The following SYT14 variants were observed in gnomAD, a reference collection of about 807,000 sequenced individuals.
The protein encoded by SYT14 is synaptotagmin 14.
Under a neutral mutation model 74.2 loss-of-function variants are expected in SYT14, and 32 were observed. The observed-to-expected ratio is 0.43, with a 90% CI of 0.33 to 0.58. SYT14 has a LOEUF of 0.58. Among genes scored for constraint, SYT14 ranks in the 20% least tolerant of loss-of-function variants. SYT14 has a pLI of 0.05. For synonymous variants in SYT14, 298 were observed against 337.7 expected, an observed-to-expected ratio of 0.88 and a Z score of 1.29; for missense variants, 791 against 981.8, an observed-to-expected ratio of 0.81 and a Z score of 2.60.
intron 7 of SYT14, among the ~76,000 whole-genome samples, chr1:210,129,973 T>C (rs995142020): frequency 6.6e-6 from 1 of 152,170 alleles, no homozygotes; most frequent in Non-Finnish European, 1.5e-5. Flanking sequence ...ACAGAATCTA[T>C]CTTACTTTCA....
At chr1:210,125,469 A>G (rs2082551183) in intron 7 of SYT14, among the ~76,000 whole-genome samples, 1 of 152,154 alleles carries the variant, frequency 6.6e-6, no homozygotes, top group Non-Finnish European at 1.5e-5. Flanking sequence ...GGTAATTGCA[A>G]TGGCCGTGAA....
chr1:210,020,799 C>G (rs915388009), intron 4 of SYT14, among the ~76,000 whole-genome samples: 2 of 151,854 alleles, frequency 1.3e-5, no homozygotes, highest in African/African-American at 4.8e-5. Flanking sequence ...GCTTGGGCTT[C>G]TTATGTGAAA....
At chr1:209,998,076 A>T (rs752836303) in intron 2 of SYT14, among the ~76,000 whole-genome samples, 5 of 152,038 alleles carry the variant, frequency 3.3e-5, no homozygotes, top group Non-Finnish European at 7.4e-5. Context: ...CAGAGTTTTC[A>T]TATTTGTACA....
chr1:210,083,660 C>T (rs955550807), intron 5 of SYT14, among the ~76,000 whole-genome samples: 6 of 151,514 alleles, frequency 4.0e-5, no homozygotes, highest in African/African-American at 1.2e-4. Context: ...ACCTTGACCT[C>T]CTGGGCTCAA....
intron 5 of SYT14, among the ~76,000 whole-genome samples, chr1:210,093,227 A>G (rs966015338): frequency 3.1e-4 from 47 of 152,152 alleles, no homozygotes; most frequent in African/African-American, 1.1e-3. Flanking sequence ...AATGAAGCTT[A>G]TAGTTCTTAT....
chr1:209,957,650 C>T, intron 2 of SYT14, among the ~76,000 whole-genome samples: 1 of 152,108 alleles, frequency 6.6e-6, no homozygotes, highest in Middle Eastern at 3.2e-3. Context: ...TTGTCTTGAA[C>T]TCCCTACTTC....
At chr1:210,051,855 T>G (rs1388225862) in intron 5 of SYT14, among the ~76,000 whole-genome samples, 1 of 152,200 alleles carries the variant, frequency 6.6e-6, no homozygotes, top group Non-Finnish European at 1.5e-5. Flanking sequence ...TAATATCAGA[T>G]TCTTTGAAAG....
intron 7 of SYT14, among the ~76,000 whole-genome samples, chr1:210,101,807 G>A (rs1414176810): frequency 1.3e-5 from 2 of 151,950 alleles, no homozygotes; most frequent in Admixed American, 6.6e-5. Context: ...GAAAATAAAC[G>A]CTTATATAGA....
chr1:209,962,546 G>A (rs1434813002), intron 2 of SYT14, among the ~76,000 whole-genome samples: 1 of 151,948 alleles, frequency 6.6e-6, no homozygotes, highest in Admixed American at 6.5e-5. Context: ...TCTTTGATTC[G>A]TTCTCAGCTT....
chr1:209,987,691 T>C (rs1246811448), intron 2 of SYT14, among the ~76,000 whole-genome samples: 3 of 152,246 alleles, frequency 2.0e-5, no homozygotes, highest in Non-Finnish European at 4.4e-5. Context: ...TTGTGTTGTG[T>C]TGTTTTACAA....
intron 7 of SYT14, among the ~76,000 whole-genome samples, chr1:210,125,264 T>G (rs544500235): frequency 6.6e-6 from 1 of 151,316 alleles, no homozygotes; most frequent in Admixed American, 6.6e-5. Context: ...TCCATCTTTA[T>G]GTGTACCCAT....
At chr1:209,988,591 CT>C (rs1265315540) in intron 2 of SYT14, among the ~76,000 whole-genome samples, 2 of 152,114 alleles carry the variant, frequency 1.3e-5, no homozygotes, top group Non-Finnish European at 2.9e-5. Context: ...TGAGACTTTC[CT>C]TTCAGTCTTG....
At chr1:210,097,599 G>A (rs1164559942) in intron 6 of SYT14, among the ~76,000 whole-genome samples, 1 of 151,734 alleles carries the variant, frequency 6.6e-6, no homozygotes, top group Non-Finnish European at 1.5e-5. Flanking sequence ...CATTTTTATT[G>A]CCTGAAAATC....
At chr1:210,016,380 A>G in exon 4 of SYT14, 1 of 1,232,092 alleles carries the variant, frequency 8.1e-7, no homozygotes, top group East Asian at 3.2e-5. Flanking sequence ...AATGATAGGC[A>G]ACAAACTCTA....
In SYT14 at chr1:210,059,441, T is replaced by TAGAGAGAGAG. The variant is rs1175419124; in HGVS notation, c.1313-34880_1313-34879insGAGAGAGAGA. Among the ~76,000 whole-genome samples the TAGAGAGAGAG allele has an allele frequency of 1.4e-3, 126 of 93,028 alleles. 1 individual carries two copies. The highest frequency in any genetic ancestry group is 1.1e-3 in the Non-Finnish European group (53 of 47,538). 61.0% of individuals were successfully genotyped at this position (93,028 alleles called of 152,430 possible). On this transcript the variant is annotated intron_variant, in intron 5 of 9. Coordinates refer to ENST00000637265, the Ensembl canonical transcript of SYT14. The stretch of plus-strand genomic sequence containing the variant: ...TGACAAGAAAGAATATATATATATA[T>TAGAGAGAGAG]ATATATATATAGAGAGAGAGAGAGA...
At chr1:210,101,475 T>TA (rs1263417537) in intron 7 of SYT14, among the ~76,000 whole-genome samples, 2 of 152,146 alleles carry the variant, frequency 1.3e-5, no homozygotes, top group African/African-American at 2.4e-5. Context: ...GTCAACACCA[T>TA]ACCAGTTTAA....
intron 7 of SYT14, among the ~76,000 whole-genome samples, chr1:210,105,047 G>A (rs80114556): frequency 0.021 from 3,183 of 152,082 alleles, 105 homozygotes; most frequent in African/African-American, 0.073. Flanking sequence ...AATGGTTCTC[G>A]AAGTATGATT....
rs201175787 is a variant in SYT14, at chr1:210,020,912, T to C, written c.1097-127T>C. 4.0e-4 allele frequency: 293 copies of C among 735,240 alleles called. 1 individual carries two copies. The East Asian group carries it at 7.8e-3, about 20-fold the overall frequency. The allele number at this position is 735,240 out of a possible 1,614,324, so 45.5% of individuals were successfully genotyped here. A position where few individuals can be genotyped will look rare whatever the true frequency, so the allele number is the denominator to read the frequency against. On this transcript the variant is annotated intron_variant, in intron 4 of 9. Coordinates refer to ENST00000637265, the Ensembl canonical transcript of SYT14. ...ATATGTATATGTGTGTGTTTATATATATAACTTCAGCAAATTTTCTATACT... is the reference window on the plus strand; with the variant it reads ...ATATGTATATGTGTGTGTTTATATACATAACTTCAGCAAATTTTCTATACT...
intron 2 of SYT14, among the ~76,000 whole-genome samples, chr1:209,989,124 A>G (rs1207197208): frequency 6.6e-6 from 1 of 151,938 alleles, no homozygotes; most frequent in Non-Finnish European, 1.5e-5. Flanking sequence ...CTTGAGTGCC[A>G]TTGTTTCATA....
Sources: allele counts gnomAD v4.1 joint callset (sites outside exome capture counted in the v4.1 genomes callset), GRCh38; gene constraint gnomAD v4.1.1; transcripts MANE v1.5; gene names NCBI Gene and HGNC (gene_info 2026-07-23, HGNC 2026-07-21).